The following RGL3 variants were observed in gnomAD, a reference collection of about 807,000 sequenced individuals.
The protein encoded by RGL3 is ral guanine nucleotide dissociation stimulator like 3, also known as ral guanine nucleotide dissociation stimulator-like 3.
In RGL3, 85 loss-of-function variants were observed where a neutral mutation model predicts 90.6. The ratio of observed to expected loss-of-function variants is 0.94; its 90% CI spans 0.79 to 1.12. The LOEUF is 1.12. RGL3 is among the 50% of genes most tolerant of loss of function. RGL3 has a pLI of 0.00. For synonymous variants in RGL3, 408 were observed against 385.5 expected (o/e 1.06, Z -0.68); for missense variants, 1,034 against 939.2 (o/e 1.10, Z -1.32).
In RGL3 at chr19:11,405,399, A is replaced by AGGAGAAGTTCCGCAGTTCTC. The variant is rs773520728; in HGVS notation, c.1004_1023dup (p.Ser342GlufsTer31). 114 of 1,549,086 alleles carry AGGAGAAGTTCCGCAGTTCTC rather than the reference A, an allele frequency of 7.4e-5. No individual in the cohort carries two copies. The highest frequency in any genetic ancestry group is 9.4e-5 in the Non-Finnish European group (107 of 1,142,372). On this transcript the variant is annotated frameshift_variant, in exon 8 of 19. Coordinates refer to ENST00000380456, the MANE Select transcript of RGL3 (RefSeq NM_001035223.4). LOFTEE classifies it high-confidence loss of function. ...AGGGCGGACAGGATGGCGCGCAAGG[A>AGGAGAAGTTCCGCAGTTCTC]GGAGAAGTTCCGCAGTTCTCGGCAG...
At chr19:11,407,390 G>T (rs1296131118) in intron 5 of RGL3, among the ~76,000 whole-genome samples, 2 of 152,012 alleles carry the variant, frequency 1.3e-5, no homozygotes, top group Non-Finnish European at 2.9e-5. Context: ...CAGTGAGGGA[G>T]GTACTATTAT....
intron 6 of RGL3, 33 bp downstream of exon 6, chr19:11,406,689 G>A (rs777714425): frequency 2.5e-6 from 4 of 1,611,004 alleles, no homozygotes; most frequent in East Asian, 4.5e-5. Context: ...TCCCCTCACT[G>A]TGGCTCATCC....
In RGL3 at chr19:11,405,179, T is replaced by G. The variant is rs773598261; in HGVS notation, c.1153A>C (p.Asn385His). 4 of 1,614,008 alleles carry G rather than the reference T, an allele frequency of 2.5e-6. No individual in the cohort carries two copies. The African/African-American group carries it at 5.3e-5, about 22-fold the overall frequency. The change falls in exon 9 of 19, where the codon AAC becomes CAC. Residue 385 changes from asparagine (N) to histidine (H), a missense_variant. By Grantham distance (68) the Asn-to-His change is moderately conservative. Coordinates refer to ENST00000380456, the MANE Select transcript of RGL3 (RefSeq NM_001035223.4). ...AGAATCTCTCTGCTGCTGAGGTGGTTGTTCTCATCGGAGAAAATCTGCGAA... is the reference window on the plus strand; with the variant it reads ...AGAATCTCTCTGCTGCTGAGGTGGTGGTTCTCATCGGAGAAAATCTGCGAA... ...KLSQIFSDENNHLSSREILFQ... is the reference protein window; with the variant it reads ...KLSQIFSDENHHLSSREILFQ...
At position 11,414,199 on chromosome 19, in the gene RGL3, A is replaced by ATATATATACACC. The variant is rs1382741585; in HGVS notation, c.637+1737_637+1738insGGTGTATATATA. ...TATACACCTATATATATATACCTTT[A>ATATATATACACC]TATATATATATACCTTTATATATAT... is the stretch of plus-strand genomic sequence containing the variant. On this transcript the variant is annotated intron_variant, in intron 5 of 18. Transcript: ENST00000380456. Among the ~76,000 whole-genome samples, 34 of 86,664 alleles carry ATATATATACACC rather than the reference A, an allele frequency of 3.9e-4. 1 individual carries two copies. Among genetic ancestry groups the ATATATATACACC allele is most frequent in the African/African-American group, 1.8e-3 (33 of 18,784 alleles). 56.9% of individuals were successfully genotyped at this position (86,664 alleles called of 152,430 possible).
chr19:11,399,638 A>G (rs317913), intron 16 of RGL3, among the ~76,000 whole-genome samples: 23,860 of 152,034 alleles, frequency 0.16, 3,076 homozygotes, highest in African/African-American at 0.36. Flanking sequence ...CACAGGTCCA[A>G]ATCTGAGCAC....
At chr19:11,416,744 G>A (rs1285505789) in intron 3 of RGL3, 77 bp from the exon 4 acceptor site, 1 of 1,589,528 alleles carries the variant, frequency 6.3e-7, no homozygotes, top group Non-Finnish European at 8.6e-7. Flanking sequence ...GGTCTGGGAG[G>A]TGTTTCCAGG....
intron 13 of RGL3, among the ~76,000 whole-genome samples, chr19:11,400,791 G>T (rs969279746): frequency 1.3e-5 from 2 of 151,688 alleles, no homozygotes; most frequent in African/African-American, 4.8e-5. Context: ...GGAGGCGGGG[G>T]CTACAGTGAG....
intron 5 of RGL3, chr19:11,411,332 C>T (rs1968871533): frequency 6.6e-6 from 1 of 151,784 alleles, no homozygotes; most frequent in African/African-American, 2.4e-5. Flanking sequence ...AGTGCAGGGG[C>T]ATGCTCACAG....
In RGL3 at chr19:11,400,035, C is replaced by A. The variant is rs915260141; in HGVS notation, c.1649+5G>T. ...CCCAGTCCCATCACCAAGCAGAATG[C>A]TCACCTGGAGGTGGGGGATGAGGGG... On this transcript the variant is annotated splice_donor_5th_base_variant and intron_variant, in intron 15 of 18. Coordinates refer to ENST00000380456, the MANE Select transcript of RGL3 (RefSeq NM_001035223.4). 2.5e-6 allele frequency: 4 copies of A among 1,603,548 alleles called. No homozygotes were observed. The highest frequency in any genetic ancestry group is 1.1e-5 in the South Asian group (1 of 89,836).
Position 11,415,932 on chromosome 19 carries a change from C to T in RGL3, c.637+5G>A, listed in dbSNP as rs766466845. On this transcript the variant is annotated splice_donor_5th_base_variant and intron_variant, in intron 5 of 18. Transcript: ENST00000380456. ...AGAACACGACTGGATCTGAAAACCC[C>T]TCACCTGTCCACACCTGAGGCGGCT... 2 of 1,609,434 alleles carry T rather than the reference C, an allele frequency of 1.2e-6. No individual in the cohort carries two copies. The highest frequency in any genetic ancestry group is 1.7e-6 in the Non-Finnish European group (2 of 1,178,186).
rs1226005424 is a variant in RGL3 at position 11,402,066 on chromosome 19, G to T, written c.1429C>A (p.His477Asn). 1.3e-6 allele frequency: 2 copies of T among 1,579,158 alleles called. No individual in the cohort carries two copies. The highest frequency in any genetic ancestry group is 1.7e-5 in the Admixed American group (1 of 57,396). The change falls in exon 13 of 19, where the codon CAC becomes AAC. Residue 477 changes from histidine (H) to asparagine (N), a missense_variant. Physicochemically the swap from His to Asn is moderately conservative, Grantham distance 68. Transcript: ENST00000380456. ...RRCQSYTLSP[H>N]PPILAALHAQ... ...TGCAGGGCAGCCAGGATGGGCGGGTGGGGGCTCAGGGTGTAGCTCTGACAG... is the reference window on the plus strand; with the variant it reads ...TGCAGGGCAGCCAGGATGGGCGGGTTGGGGCTCAGGGTGTAGCTCTGACAG...
rs182853091 is a variant in RGL3, at chr19:11,407,351, A to G, written c.638-487T>C. On this transcript the variant is annotated intron_variant, in intron 5 of 18. Coordinates refer to ENST00000380456, the MANE Select transcript of RGL3 (RefSeq NM_001035223.4). ...CTAAGCAGCTAGTGTGGATTTACTC[A>G]GTAACTCACCACTGAGTTACTGTGA... Among the ~76,000 whole-genome samples, 14 of 152,202 alleles carry G rather than the reference A, an allele frequency of 9.2e-5. No homozygotes were observed. In the East Asian group the frequency reaches 2.1e-3, roughly 23 times the overall value.
chr19:11,412,956 ACT>A (rs1410413447), intron 5 of RGL3, among the ~76,000 whole-genome samples: 1 of 151,790 alleles, frequency 6.6e-6, no homozygotes, highest in African/African-American at 2.4e-5. Flanking sequence ...ACAGAGCGAG[ACT>A]CTGTCTCAAA....
chr19:11,401,324 G>A (rs1968671719), intron 13 of RGL3, among the ~76,000 whole-genome samples: 1 of 151,340 alleles, frequency 6.6e-6, no homozygotes, highest in Non-Finnish European at 1.5e-5. Flanking sequence ...TGCCTCCCAG[G>A]CTCCAGCAAT....
chr19:11,409,341 C>T (rs1968835716), intron 5 of RGL3, among the ~76,000 whole-genome samples: 2 of 151,886 alleles, frequency 1.3e-5, no homozygotes, highest in African/African-American at 4.8e-5. Flanking sequence ...ATTAGCCAGG[C>T]GTGGTGGCGG....
chr19:11,397,196 C>T (rs371752133), intron 18 of RGL3, 48 bp downstream of exon 18: 58 of 1,530,188 alleles, frequency 3.8e-5, no homozygotes, highest in Middle Eastern at 1.7e-4. Context: ...TCAGTCTGCT[C>T]GCCTCCCCGC....
At chr19:11,404,150 T>C (rs1270820099) in intron 9 of RGL3, among the ~76,000 whole-genome samples, 1 of 152,196 alleles carries the variant, frequency 6.6e-6, no homozygotes, top group African/African-American at 2.4e-5. Context: ...CCCAAAGTGT[T>C]GGGATTATAG....
At chr19:11,404,581 AAC>A (rs1297637913) in intron 9 of RGL3, among the ~76,000 whole-genome samples, 3 of 152,120 alleles carry the variant, frequency 2.0e-5, no homozygotes, top group African/African-American at 7.2e-5. Flanking sequence ...CAACAACAAC[AAC>A]AAAAAACCAG....
At position 11,416,929 on chromosome 19, in the gene RGL3, A is replaced by G. The variant is rs1969011593; in HGVS notation, c.278T>C (p.Met93Thr). 6 of 1,614,086 alleles carry G rather than the reference A, an allele frequency of 3.7e-6. No individual in the cohort carries two copies. The African/African-American group carries it at 4.0e-5, about 11-fold the overall frequency. ...CCGGTAGGTGGCCAGGAAGGCGGGC[A>G]TGAAGCTGGGGTCCTGCTCACGGTC... ...FGDREQDPSF[M>T]PAFLATYRTF... The change falls in exon 3 of 19, where the codon ATG (methionine) becomes ACG (threonine). Residue 93 changes from methionine to threonine, a missense_variant. By Grantham distance (81) the Met-to-Thr change is moderately conservative. Coordinates refer to ENST00000380456, the MANE Select transcript of RGL3 (RefSeq NM_001035223.4).
Sources: gnomAD v4.1 joint callset for allele counts (sites outside exome capture counted in the v4.1 genomes callset) on GRCh38, gnomAD v4.1.1 for gene constraint, MANE v1.5 for transcripts, NCBI Gene and HGNC (gene_info 2026-07-23, HGNC 2026-07-21) for gene names.